SGK3: variants seen among roughly 807,000 people sequenced by gnomAD.
The protein encoded by SGK3 is serine/threonine-protein kinase Sgk3.
A neutral mutation model predicts 68.5 loss-of-function variants in SGK3; 47 were observed. The ratio of observed to expected loss-of-function variants is 0.69; its 90% CI spans 0.54 to 0.87. The LOEUF (loss-of-function observed/expected upper bound fraction) is 0.87, where lower values mean the gene tolerates loss of function less well. Among genes scored for constraint, SGK3 ranks in the 40% least tolerant of loss-of-function variants. The probability of loss-of-function intolerance (pLI) is 0.00; values close to 1 mark genes in which losing one functional copy is unlikely to be tolerated. For missense variants in SGK3, 479 were observed against 575.5 expected, an observed-to-expected ratio of 0.83 and a Z score of 1.72; for synonymous variants, 181 against 189.1, an observed-to-expected ratio of 0.96 and a Z score of 0.35.
intron 1 of SGK3, among the ~76,000 whole-genome samples, chr8:66,716,674 G>A (rs1804642515): frequency 6.6e-6 from 1 of 152,152 alleles, no homozygotes; most frequent in Non-Finnish European, 1.5e-5. Context: ...AGTAAGTGAT[G>A]TTAGTGAGGT....
chr8:66,730,948 A>G (rs914604731), intron 1 of SGK3, among the ~76,000 whole-genome samples: 2 of 152,040 alleles, frequency 1.3e-5, no homozygotes, highest in South Asian at 4.1e-4. Flanking sequence ...CAGTCTCCCA[A>G]AGTGCTGGGG....
intron 1 of SGK3, among the ~76,000 whole-genome samples, chr8:66,736,609 C>A (rs1184354864): frequency 6.6e-6 from 1 of 151,682 alleles, no homozygotes; most frequent in East Asian, 1.9e-4. Context: ...AGGCACATGC[C>A]ACCATGCCCA....
chr8:66,841,270 G>A (rs1809787033), intron 13 of SGK3, among the ~76,000 whole-genome samples, 160 bp downstream of exon 13: 1 of 152,134 alleles, frequency 6.6e-6, no homozygotes, highest in Non-Finnish European at 1.5e-5. Context: ...CTTGATAGTT[G>A]GGTATTTTTA....
intron 5 of SGK3, among the ~76,000 whole-genome samples, chr8:66,821,241 C>CT (rs1305167443): frequency 6.6e-6 from 1 of 151,922 alleles, no homozygotes; most frequent in Non-Finnish European, 1.5e-5. Context: ...TTGATACCCA[C>CT]TTTAATGTGT....
intron 4 of SGK3, among the ~76,000 whole-genome samples, chr8:66,810,083 GAGA>G (rs1323954648): frequency 3.9e-5 from 6 of 152,138 alleles, no homozygotes; most frequent in African/African-American, 7.2e-5. Context: ...CCGTTCAAGA[GAGA>G]AGAAGAACTA....
chr8:66,843,563 C>T lies in SGK3; in HGVS notation c.1074+16C>T. 1 of 1,600,968 alleles carries T rather than the reference C, an allele frequency of 6.2e-7. No individual in the cohort carries two copies. The highest frequency in any genetic ancestry group is 8.5e-7 in the Non-Finnish European group (1 of 1,170,624). ...GTATGGATTGGTATGTATTTCTATA[C>T]CTCATTATTCCAATGTATTATCATT... On this transcript the variant is annotated intron_variant, in intron 14 of 16. Transcript: ENST00000521198.
chr8:66,757,129 AT>A (rs796848968), intron 1 of SGK3, among the ~76,000 whole-genome samples: 2,601 of 107,032 alleles, frequency 0.024, 24 homozygotes, highest in Middle Eastern at 0.065. Context: ...CTCAGGCCCT[AT>A]TTTTTTTTTT....
intron 1 of SGK3, among the ~76,000 whole-genome samples, chr8:66,728,142 C>G (rs1003813454): frequency 6.6e-6 from 1 of 152,094 alleles, no homozygotes; most frequent in Non-Finnish European, 1.5e-5. Flanking sequence ...CCAGTGACTC[C>G]CATCTCTCCT....
At chr8:66,744,388 A>G (rs1805566542) in intron 1 of SGK3, among the ~76,000 whole-genome samples, 1 of 148,058 alleles carries the variant, frequency 6.8e-6, no homozygotes, top group Non-Finnish European at 1.5e-5. Context: ...TGTGTACTCA[A>G]TGGACCTTTT....
chr8:66,731,657 C>T (rs1465701114), intron 1 of SGK3, among the ~76,000 whole-genome samples: 1 of 152,152 alleles, frequency 6.6e-6, no homozygotes, highest in African/African-American at 2.4e-5. Flanking sequence ...GCCTCAGCCT[C>T]CCGAGTAGCT....
intron 16 of SGK3, among the ~76,000 whole-genome samples, chr8:66,857,237 A>G (rs552430516): frequency 3.3e-5 from 5 of 152,286 alleles, no homozygotes; most frequent in African/African-American, 9.6e-5. Flanking sequence ...CTTTGTCTCT[A>G]TGGGGGATTT....
intron 4 of SGK3, among the ~76,000 whole-genome samples, chr8:66,811,533 T>G (rs969369849): frequency 6.6e-6 from 1 of 152,228 alleles, no homozygotes. Context: ...AAAGTAAGTT[T>G]GGAATTGCCC....
chr8:66,766,107 T>C (rs1806309509), intron 1 of SGK3, among the ~76,000 whole-genome samples: 1 of 152,332 alleles, frequency 6.6e-6, no homozygotes, highest in East Asian at 1.9e-4. Context: ...GAGAACATAC[T>C]TTGTGTGATT....
intron 6 of SGK3, among the ~76,000 whole-genome samples, chr8:66,826,717 T>C (rs905762920): frequency 6.6e-6 from 1 of 152,152 alleles, no homozygotes; most frequent in African/African-American, 2.4e-5. Context: ...CTATCTCAGC[T>C]CACTGCAACC....
At chr8:66,762,575 T>A (rs946842274) in intron 1 of SGK3, among the ~76,000 whole-genome samples, 5 of 152,126 alleles carry the variant, frequency 3.3e-5, no homozygotes, top group Non-Finnish European at 7.4e-5. Flanking sequence ...ACCCACTGAT[T>A]TTTTTCTTTT....
chr8:66,798,137 T>C (rs1585731780), intron 2 of SGK3, among the ~76,000 whole-genome samples: 2 of 151,998 alleles, frequency 1.3e-5, no homozygotes, highest in East Asian at 3.9e-4. Flanking sequence ...GCCTCCTGAG[T>C]AGCTGGGACT....
intron 5 of SGK3, among the ~76,000 whole-genome samples, chr8:66,816,571 C>T (rs1346698071): frequency 6.6e-6 from 1 of 151,260 alleles, no homozygotes; most frequent in African/African-American, 2.4e-5. Flanking sequence ...GTCTCAATCT[C>T]CTGACTTCGT....
chr8:66,735,479 G>A (rs1189341946), intron 1 of SGK3, among the ~76,000 whole-genome samples: 1 of 152,156 alleles, frequency 6.6e-6, no homozygotes, highest in African/African-American at 2.4e-5. Context: ...ATAAAGCTTG[G>A]GTCCCCTGGA....
chr8:66,774,227 C>T (rs1236540162), intron 1 of SGK3, among the ~76,000 whole-genome samples: 1 of 152,136 alleles, frequency 6.6e-6, no homozygotes, highest in Non-Finnish European at 1.5e-5. Flanking sequence ...CTAGGCTGGC[C>T]TCTTGGCATT....
Sources: allele counts gnomAD v4.1 joint callset (sites outside exome capture counted in the v4.1 genomes callset), GRCh38; gene constraint gnomAD v4.1.1; transcripts MANE v1.5; gene names NCBI Gene and HGNC (gene_info 2026-07-23, HGNC 2026-07-21).